The following LUZP2 variants were observed in gnomAD, a reference collection of about 807,000 sequenced individuals.
LUZP2 encodes leucine zipper protein 2.
A neutral mutation model predicts 51.6 loss-of-function variants in LUZP2; 52 were observed. The observed-to-expected ratio is 1.01, with a 90% CI of 0.81 to 1.27. LUZP2 has a LOEUF of 1.27. Among genes scored for constraint, LUZP2 ranks in the 50% most tolerant of loss-of-function variants. The pLI, the probability that LUZP2 is intolerant of heterozygous loss-of-function variation, is 0.00. For synonymous variants in LUZP2, 154 were observed against 137.3 expected (o/e 1.12, Z -0.85); for missense variants, 436 against 395.4 (o/e 1.10, Z -0.87).
At chr11:24,756,740 C>T (rs1859790455) in intron 4 of LUZP2, among the ~76,000 whole-genome samples, 3 of 152,110 alleles carry the variant, frequency 2.0e-5, no homozygotes, top group Admixed American at 1.3e-4. Context: ...TAGCAGACAC[C>T]AGCTGAGTCT....
At chr11:24,548,114 A>T (rs1035634307) in intron 1 of LUZP2, among the ~76,000 whole-genome samples, 23 of 152,168 alleles carry the variant, frequency 1.5e-4, no homozygotes, top group African/African-American at 5.3e-4. Flanking sequence ...AATGTAAATT[A>T]GTTCAGCCAC....
intron 1 of LUZP2, among the ~76,000 whole-genome samples, chr11:24,517,387 G>C (rs1850499863): frequency 6.7e-6 from 1 of 148,208 alleles, no homozygotes. Context: ...TCGGGAGGCT[G>C]AGGCAGGAGA....
intron 10 of LUZP2, among the ~76,000 whole-genome samples, chr11:25,074,485 A>C (rs554657451): frequency 6.6e-6 from 1 of 152,258 alleles, no homozygotes; most frequent in African/African-American, 2.4e-5. Flanking sequence ...AAATGTAGTA[A>C]GTTTTCATTA....
chr11:24,712,200 C>T (rs137921396), intron 1 of LUZP2, among the ~76,000 whole-genome samples: 1 of 152,178 alleles, frequency 6.6e-6, no homozygotes, highest in Non-Finnish European at 1.5e-5. Context: ...GCAGGGAGAT[C>T]GCTTGAGCTC....
intron 9 of LUZP2, among the ~76,000 whole-genome samples, chr11:25,035,588 A>G (rs1857831786): frequency 6.6e-6 from 1 of 152,152 alleles, no homozygotes; most frequent in Non-Finnish European, 1.5e-5. Context: ...AGAAGAATCA[A>G]TATCAAAAAT....
At chr11:25,070,362 C>T (rs575217944) in intron 10 of LUZP2, among the ~76,000 whole-genome samples, 5 of 151,880 alleles carry the variant, frequency 3.3e-5, no homozygotes, top group Admixed American at 6.6e-5. Context: ...TTTTAATAAT[C>T]AAAGCAAAGG....
intron 1 of LUZP2, among the ~76,000 whole-genome samples, chr11:24,532,479 A>G (rs1419379350): frequency 6.6e-6 from 1 of 151,050 alleles, no homozygotes; most frequent in Non-Finnish European, 1.5e-5. Context: ...GTGAGATGCT[A>G]TGATCCTAAG....
At chr11:24,652,314 G>A (rs1855653112) in intron 1 of LUZP2, among the ~76,000 whole-genome samples, 2 of 152,038 alleles carry the variant, frequency 1.3e-5, no homozygotes, top group Non-Finnish European at 2.9e-5. Flanking sequence ...ACTACACATA[G>A]CTATAATTTA....
chr11:24,675,531 T>C (rs1392621898), intron 1 of LUZP2, among the ~76,000 whole-genome samples: 2 of 152,162 alleles, frequency 1.3e-5, no homozygotes, highest in Admixed American at 1.3e-4. Context: ...AGAACTGTCA[T>C]GGTTAAAAAT....
chr11:24,920,192 C>G (rs1358221106), intron 7 of LUZP2, among the ~76,000 whole-genome samples: 2 of 151,840 alleles, frequency 1.3e-5, no homozygotes, highest in South Asian at 2.1e-4. Flanking sequence ...TAATGGCAGA[C>G]ATTTTGATAG....
chr11:24,905,949 T>G (rs1755063468), intron 5 of LUZP2, 42 bp from the exon 6 acceptor site: 7 of 1,390,136 alleles, frequency 5.0e-6, no homozygotes, highest in Non-Finnish European at 7.2e-6. Flanking sequence ...ATTCTTAATA[T>G]TTTGTCTCTT....
intron 10 of LUZP2, among the ~76,000 whole-genome samples, chr11:25,052,263 G>T (rs1858538785): frequency 6.6e-6 from 1 of 152,132 alleles, no homozygotes; most frequent in Non-Finnish European, 1.5e-5. Flanking sequence ...GAATTAGTGG[G>T]ACATGCATGA....
chr11:24,900,371 G>A (rs1197443540), intron 5 of LUZP2, among the ~76,000 whole-genome samples: 1 of 152,056 alleles, frequency 6.6e-6, no homozygotes, highest in Non-Finnish European at 1.5e-5. Flanking sequence ...GTCTAGGTGA[G>A]CTCTAGTAAT....
intron 7 of LUZP2, among the ~76,000 whole-genome samples, chr11:24,948,304 A>C (rs2133858839): frequency 6.6e-6 from 1 of 151,606 alleles, no homozygotes; most frequent in South Asian, 2.1e-4. Flanking sequence ...GCTGTTCTCT[A>C]TTTGCTAAGA....
At chr11:24,986,420 TTG>T (rs567492381) in intron 9 of LUZP2, among the ~76,000 whole-genome samples, 40 of 151,648 alleles carry the variant, frequency 2.6e-4, no homozygotes, top group African/African-American at 9.7e-4. Flanking sequence ...TCTTTGCAAT[TTG>T]TGTTCAATGA....
chr11:24,563,594 C>A (rs1371725783), intron 1 of LUZP2, among the ~76,000 whole-genome samples: 1 of 151,262 alleles, frequency 6.6e-6, no homozygotes, highest in Non-Finnish European at 1.5e-5. Flanking sequence ...TTTTGTAGTC[C>A]CTTCTATCCT....
At chr11:25,017,916 G>A (rs575056820) in intron 9 of LUZP2, among the ~76,000 whole-genome samples, 1 of 152,252 alleles carries the variant, frequency 6.6e-6, no homozygotes, top group South Asian at 2.1e-4. Flanking sequence ...CATGAGGATT[G>A]AATGTGTTTC....
At chr11:25,001,310 C>T (rs1211678019) in intron 9 of LUZP2, among the ~76,000 whole-genome samples, 1 of 152,160 alleles carries the variant, frequency 6.6e-6, no homozygotes, top group Non-Finnish European at 1.5e-5. Context: ...AGGCAATTTT[C>T]CTAACTCTGC....
intron 1 of LUZP2, among the ~76,000 whole-genome samples, chr11:24,708,800 A>C (rs1476481161): frequency 6.6e-6 from 1 of 152,180 alleles, no homozygotes; most frequent in Non-Finnish European, 1.5e-5. Flanking sequence ...ATGTTTTTGC[A>C]ATAATTAGGA....
Sources: allele counts gnomAD v4.1 joint callset (sites outside exome capture counted in the v4.1 genomes callset), GRCh38; gene constraint gnomAD v4.1.1; transcripts MANE v1.5; gene names NCBI Gene and HGNC (gene_info 2026-07-23, HGNC 2026-07-21).